SLITRK4: variants seen among roughly 807,000 people sequenced by gnomAD.
The protein encoded by SLITRK4 is SLIT and NTRK-like protein 4.
SLITRK4 carries 7 observed loss-of-function variants against 34.7 expected under a neutral mutation model. That is an observed-to-expected ratio of 0.20 (90% CI 0.11 to 0.38). The LOEUF (loss-of-function observed/expected upper bound fraction) is 0.38. SLITRK4 is among the 10% of genes least tolerant of loss of function. The pLI is 1.00. For synonymous variants in SLITRK4, 237 were observed against 246.2 expected (o/e 0.96, Z 0.35); for missense variants, 474 against 607.0 (o/e 0.78, Z 2.30).
In SLITRK4 at chrX:143,625,607, T is replaced by C. The variant is rs1183411255; in HGVS notation, c.*2988A>G. 5 of 111,488 alleles carry C rather than the reference T, an allele frequency of 4.5e-5. No individual in the cohort carries two copies. Among genetic ancestry groups the C allele is most frequent in the African/African-American group, 9.8e-5 (3 of 30,762 alleles). The allele number at this position is 111,488 out of a possible 1,213,427, so 9.2% of individuals were successfully genotyped here. On this transcript the variant is annotated 3_prime_UTR_variant, in exon 2 of 2. Coordinates refer to ENST00000356928, the MANE Select transcript of SLITRK4 (RefSeq NM_001184749.3). ...TGCATCCAAGTTCCACTAAAAATGC[T>C]GTACTGATGTACATATCATACCTCC...
chrX:143,629,614 C>A lies in SLITRK4; in HGVS notation c.1495G>T (p.Ala499Ser). 8.3e-7 allele frequency: 1 copy of A among 1,211,523 alleles called. No individual in the cohort carries two copies. The highest frequency in any genetic ancestry group is 1.1e-6 in the Non-Finnish European group (1 of 895,540). Residue 499 changes from alanine to serine, a missense_variant, in exon 2 of 2, where the codon GCT (alanine) becomes TCT (serine). Physicochemically the swap from Ala to Ser is moderately conservative, Grantham distance 99 (BLOSUM62 1). This residue lies in a region of SLITRK4 where 345 missense variants were observed against 406.5 expected (regional missense o/e 0.85). Coordinates refer to ENST00000356928, the MANE Select transcript of SLITRK4 (RefSeq NM_001184749.3). ...TTGTTGTTCCTCAGGTTCAGTCTAG[C>A]TAAGGGTGCTCCGGAAAAGATGTAA... ...PVYIFSGAPLARLNLRNNKFM... is the reference protein window; with the variant it reads ...PVYIFSGAPLSRLNLRNNKFM...
chrX:143,629,142 A>G lies in SLITRK4; in HGVS notation c.1967T>C (p.Leu656Pro). The change falls in exon 2 of 2, where the codon CTG (leucine) becomes CCG (proline). Residue 656 changes from leucine (L) to proline (P), a missense_variant. This residue lies in a region of SLITRK4 where 345 missense variants were observed against 406.5 expected (regional missense o/e 0.85). Coordinates refer to ENST00000356928, the MANE Select transcript of SLITRK4 (RefSeq NM_001184749.3). ...NKKPTVKHEG[L>P]GNPDCGSMQL... is the part of the protein sequence containing the mutation. Reference sequence around the variant, plus strand: ...CATGGAGCCACAGTCAGGATTCCCCAGGCCTTCGTGCTTCACTGTGGGTTT... The same window carrying G: ...CATGGAGCCACAGTCAGGATTCCCCGGGCCTTCGTGCTTCACTGTGGGTTT... The G allele has an allele frequency of 8.3e-7, 1 of 1,211,976 alleles. No individual in the cohort carries two copies. The highest frequency in any genetic ancestry group is 1.1e-6 in the Non-Finnish European group (1 of 895,601).
chrX:143,629,252 A>C lies in SLITRK4; in HGVS notation c.1857T>G (p.Ile619Met). 1 of 1,212,039 alleles carries C rather than the reference A, an allele frequency of 8.3e-7. No individual in the cohort carries two copies. Among genetic ancestry groups the C allele is most frequent in the South Asian group, 1.8e-5 (1 of 56,996 alleles). The change falls in exon 2 of 2, where the codon ATT (isoleucine) becomes ATG (methionine). Residue 619 changes from isoleucine to methionine, a missense_variant. Ile to Met is a conservative substitution (Grantham distance 10). Coordinates refer to ENST00000356928, the MANE Select transcript of SLITRK4 (RefSeq NM_001184749.3). ...SPPGGPVPLSILILSILVVLI... is the reference protein window; with the variant it reads ...SPPGGPVPLSMLILSILVVLI... ...GGACCACTAAGATACTTAAGATTAA[A>C]ATAGACAGAGGCACTGGCCCACCAG...
At position 143,628,920 on chromosome X, in the gene SLITRK4, T is replaced by A; in HGVS notation, c.2189A>T (p.Asp730Val). ...VMRNVADKEKDLLHVDTRKRL... is the reference protein window; with the variant it reads ...VMRNVADKEKVLLHVDTRKRL... The stretch of plus-strand genomic sequence containing the variant: ...CTTCCTGGTATCTACATGTAATAAA[T>A]CTTTCTCCTTGTCGGCCACATTTCT... The change falls in exon 2 of 2, where the codon GAT becomes GTT. Residue 730 changes from aspartate (D) to valine (V), a missense_variant. Asp to Val is a radical substitution (Grantham distance 152). This residue lies in a region of SLITRK4 where 345 missense variants were observed against 406.5 expected (regional missense o/e 0.85). Coordinates refer to ENST00000356928, the MANE Select transcript of SLITRK4 (RefSeq NM_001184749.3). 2 of 1,211,709 alleles carry A rather than the reference T, an allele frequency of 1.7e-6. No individual in the cohort carries two copies. The highest frequency in any genetic ancestry group is 2.2e-6 in the Non-Finnish European group (2 of 895,454).
rs917062433 is a variant in SLITRK4 at position 143,635,876 on chromosome X, G to T, written c.-192C>A. The stretch of plus-strand genomic sequence containing the variant: ...CTCCCCCTACCTGTCTGCGCGTAAG[G>T]GGCCAGGGGCTTTAAGGCGAAAGTG... On this transcript the variant is annotated 5_prime_UTR_variant, in exon 1 of 2. Coordinates refer to ENST00000356928, the MANE Select transcript of SLITRK4 (RefSeq NM_001184749.3). 1.8e-4 allele frequency: 20 copies of T among 110,036 alleles called. No individual in the cohort carries two copies. Among genetic ancestry groups the T allele is most frequent in the African/African-American group, 6.3e-4 (19 of 30,183 alleles). 9.1% of individuals were successfully genotyped at this position (110,036 alleles called of 1,213,427 possible).
chrX:143,632,944 C>G (rs782608553), intron 1 of SLITRK4, among the ~76,000 whole-genome samples: 2 of 110,451 alleles, frequency 1.8e-5, no homozygotes, highest in Non-Finnish European at 3.8e-5. Flanking sequence ...TACTAAACCA[C>G]CACCCCACCC....
intron 1 of SLITRK4, among the ~76,000 whole-genome samples, chrX:143,631,460 C>T (rs1187811765): frequency 9.1e-6 from 1 of 109,369 alleles, no homozygotes; most frequent in Non-Finnish European, 1.9e-5. Flanking sequence ...CCACGTGGAC[C>T]GTCAAACTCT....
In SLITRK4 at chrX:143,630,666, C is replaced by G. The variant is rs1221053474; in HGVS notation, c.443G>C (p.Arg148Pro). ...TTTGTGGAGCTTATTGAAGGCTCCT[C>G]GTTCAATATACTTGATTAAATTGTA... ...ADYNLIKYIE[R>P]GAFNKLHKLK... The change falls in exon 2 of 2, where the codon CGA becomes CCA. Residue 148 changes from arginine (R) to proline (P), a missense_variant. Around this residue, in one of 3 missense-constraint regions of SLITRK4, gnomAD observed 84 missense variants for 101.3 expected, o/e 0.83. Coordinates refer to ENST00000356928, the MANE Select transcript of SLITRK4 (RefSeq NM_001184749.3). 8.3e-7 allele frequency: 1 copy of G among 1,209,498 alleles called. No individual in the cohort carries two copies. The highest frequency in any genetic ancestry group is 1.1e-6 in the Non-Finnish European group (1 of 895,106).
At chrX:143,631,443 A>AT (rs1931037343) in intron 1 of SLITRK4, among the ~76,000 whole-genome samples, 1 of 110,192 alleles carries the variant, frequency 9.1e-6, no homozygotes, top group African/African-American at 3.3e-5. Flanking sequence ...ATCTGAAAAT[A>AT]TTTTTTCCAC....
At position 143,625,571 on chromosome X, in the gene SLITRK4, T is replaced by C. The variant is rs1569477105; in HGVS notation, c.*3024A>G. 1 of 111,415 alleles carries C rather than the reference T, an allele frequency of 9.0e-6. No individual in the cohort carries two copies. The highest frequency in any genetic ancestry group is 9.5e-5 in the Admixed American group (1 of 10,477). The allele number at this position is 111,415 out of a possible 1,213,427, so 9.2% of individuals were successfully genotyped here. A position where few individuals can be genotyped will look rare whatever the true frequency, so the allele number is the denominator to read the frequency against. On this transcript the variant is annotated 3_prime_UTR_variant, in exon 2 of 2. Transcript: ENST00000356928. ...ACATTAGAAATGAGCACTTCTTGGA[T>C]TTTATAGGTTTGCATCCAAGTTCCA...
rs781936477 is a variant in SLITRK4, at chrX:143,630,202, G to A, written c.907C>T (p.Pro303Ser). 8.3e-7 allele frequency: 1 copy of A among 1,209,845 alleles called. No homozygotes were observed. The highest frequency in any genetic ancestry group is 1.8e-5 in the South Asian group (1 of 56,793). Residue 303 changes from proline to serine, a missense_variant, in exon 2 of 2, where the codon CCA becomes TCA. Physicochemically the swap from Pro to Ser is moderately conservative, Grantham distance 74 (BLOSUM62 -1). This residue lies in a region of SLITRK4 where 345 missense variants were observed against 406.5 expected (regional missense o/e 0.85). Coordinates refer to ENST00000356928, the MANE Select transcript of SLITRK4 (RefSeq NM_001184749.3). ...TTGGAAGGATTTGTTGTTTTTGGTG[G>A]TTTAGTTACTAATCTGTGTAAAGAT... is the stretch of plus-strand genomic sequence containing the variant. ...QTSLHRLVTK[P>S]PKTTNPSKIS...
At position 143,625,778 on chromosome X, in the gene SLITRK4, A is replaced by C. The variant is rs1459171690; in HGVS notation, c.*2817T>G. ...TAGAACTAATGAGAGACAGGTGCAA[A>C]ATTGTATACACTATATAATGTAGGC... On this transcript the variant is annotated 3_prime_UTR_variant, in exon 2 of 2. Transcript: ENST00000356928. 2.7e-5 allele frequency: 3 copies of C among 111,964 alleles called. No individual in the cohort carries two copies. Among genetic ancestry groups the C allele is most frequent in the Non-Finnish European group, 5.7e-5 (3 of 52,917 alleles). The allele number at this position is 111,964 out of a possible 1,213,427, so 9.2% of individuals were successfully genotyped here. A position where few individuals can be genotyped will look rare whatever the true frequency, so the allele number is the denominator to read the frequency against.
At chrX:143,635,156 C>CA (rs1263276535) in intron 1 of SLITRK4, 1 of 82,571 alleles carries the variant, frequency 1.2e-5, no homozygotes, top group East Asian at 4.5e-4. Flanking sequence ...CTCCACCACC[C>CA]CCCCCCACCC....
rs1438420198 is a variant in SLITRK4 at position 143,625,370 on chromosome X, A to C, written c.*3225T>G. On this transcript the variant is annotated 3_prime_UTR_variant, in exon 2 of 2. Coordinates refer to ENST00000356928, the MANE Select transcript of SLITRK4 (RefSeq NM_001184749.3). ...ACAAAGTCTTACTTTTAAAGAATTGAATCATCTTTATTGATTTCATAAAAA... is the reference window on the plus strand; with the variant it reads ...ACAAAGTCTTACTTTTAAAGAATTGCATCATCTTTATTGATTTCATAAAAA... 10 of 111,685 alleles carry C rather than the reference A, an allele frequency of 9.0e-5. No homozygotes were observed. Among genetic ancestry groups the C allele is most frequent in the African/African-American group, 3.2e-4 (10 of 30,879 alleles). 9.2% of individuals were successfully genotyped at this position (111,685 alleles called of 1,213,427 possible). A position where few individuals can be genotyped will look rare whatever the true frequency, so the allele number is the denominator to read the frequency against.
Position 143,627,426 on chromosome X carries a change from C to G in SLITRK4, c.*1169G>C, listed in dbSNP as rs782430002. ...ATTGGTAACAAATCTGAAGATAATA[C>G]GCTAAATTCACAAGAATAGCACAGA... On this transcript the variant is annotated 3_prime_UTR_variant, in exon 2 of 2. Coordinates refer to ENST00000356928, the MANE Select transcript of SLITRK4 (RefSeq NM_001184749.3). 9.0e-6 allele frequency: 1 copy of G among 110,776 alleles called. No individual in the cohort carries two copies. Among genetic ancestry groups the G allele is most frequent in the Non-Finnish European group, 1.9e-5 (1 of 52,832 alleles). The allele number at this position is 110,776 out of a possible 1,213,427, so 9.1% of individuals were successfully genotyped here.
At position 143,629,427 on chromosome X, in the gene SLITRK4, T is replaced by C; in HGVS notation, c.1682A>G (p.Glu561Gly). The change falls in exon 2 of 2, where the codon GAG becomes GGG. Residue 561 changes from glutamate to glycine, a missense_variant. By Grantham distance (98) the Glu-to-Gly change is moderately conservative (BLOSUM62 -2). Coordinates refer to ENST00000356928, the MANE Select transcript of SLITRK4 (RefSeq NM_001184749.3). ...AATGTTGGCAAACTGAACAGGCGTC[T>C]CACATTTCAGTTCTTTCACAACAAT... ...DGIVVKELKC[E>G]TPVQFANIEL... 8.3e-7 allele frequency: 1 copy of C among 1,211,685 alleles called. No individual in the cohort carries two copies. Among genetic ancestry groups the C allele is most frequent in the Non-Finnish European group, 1.1e-6 (1 of 895,487 alleles).
Position 143,629,867 on chromosome X carries a change from T to C in SLITRK4, c.1242A>G (p.Thr414=). 2.5e-6 allele frequency: 3 copies of C among 1,211,405 alleles called. No individual in the cohort carries two copies. The highest frequency in any genetic ancestry group is 3.4e-6 in the Non-Finnish European group (3 of 895,242). The change falls in exon 2 of 2, where the codon ACA becomes ACG. Residue 414 remains threonine (T), a synonymous_variant. Coordinates refer to ENST00000356928, the MANE Select transcript of SLITRK4 (RefSeq NM_001184749.3). Reference sequence around the variant, plus strand: ...TGTGAAATACGTCTCCCTTAATCACTGTAATTTGATTGCTGCCTAAATGAA... The same window carrying C: ...TGTGAAATACGTCTCCCTTAATCACCGTAATTTGATTGCTGCCTAAATGAA... ...DLLHLGSNQI[T]VIKGDVFHNL...
rs782529837 is a variant in SLITRK4 at position 143,630,494 on chromosome X, G to T, written c.615C>A (p.Val205=). The T allele has an allele frequency of 5.8e-6, 7 of 1,209,729 alleles. No homozygotes were observed. The highest frequency in any genetic ancestry group is 4.6e-4 in the Middle Eastern group (2 of 4,353). Reference sequence around the variant, plus strand: ...GGTTATCTTCCAGTTGCAATTCAACGACACGGCCAATGTGTTCCAGAACCC... The same window carrying T: ...GGTTATCTTCCAGTTGCAATTCAACTACACGGCCAATGTGTTCCAGAACCC... The part of the protein sequence containing the change: ...YIGVLEHIGR[V]VELQLEDNPW... Residue 205 remains valine (V), a synonymous_variant, in exon 2 of 2, where the codon GTC becomes GTA. Coordinates refer to ENST00000356928, the MANE Select transcript of SLITRK4 (RefSeq NM_001184749.3).
rs1569477937 is a variant in SLITRK4 at position 143,629,628 on chromosome X, G to A, written c.1481C>T (p.Ser494Phe). 8.3e-7 allele frequency: 1 copy of A among 1,211,642 alleles called. No homozygotes were observed. The highest frequency in any genetic ancestry group is 1.1e-6 in the Non-Finnish European group (1 of 895,546). The change falls in exon 2 of 2, where the codon TCC becomes TTC. Residue 494 changes from serine to phenylalanine, a missense_variant. Ser to Phe is a radical substitution (Grantham distance 155, BLOSUM62 -2). Transcript: ENST00000356928. ...GTTCAGTCTAGCTAAGGGTGCTCCG[G>A]AAAAGATGTAAACAGGCAGGCTCTT... The part of the protein sequence containing the change: ...LLKSLPVYIF[S>F]GAPLARLNLR...
Sources: allele counts gnomAD v4.1 joint callset (sites outside exome capture counted in the v4.1 genomes callset), GRCh38; gene constraint gnomAD v4.1.1; regional missense constraint gnomAD v4.1.1; transcripts MANE v1.5; gene names NCBI Gene and HGNC (gene_info 2026-07-23, HGNC 2026-07-21).